The following MTUS2 variants were observed in gnomAD, a reference collection of about 807,000 sequenced individuals.
MTUS2 encodes the protein microtubule-associated tumor suppressor candidate 2.
A neutral mutation model predicts 114.1 loss-of-function variants in MTUS2; 40 were observed. That is an observed-to-expected ratio of 0.35 (90% confidence interval 0.27 to 0.46). The LOEUF (loss-of-function observed/expected upper bound fraction) is 0.46. Ranked by LOEUF, MTUS2 falls within the 20% of genes least tolerant of loss-of-function variation. The pLI is 1.00. For missense variants in MTUS2, 1,679 were observed against 1,705.4 expected (o/e 0.98, Z 0.27); for synonymous variants, 688 against 672.0 (o/e 1.02, Z -0.37).
At chr13:29,056,953 A>G (rs1565983588) in intron 4 of MTUS2, among the ~76,000 whole-genome samples, 2 of 152,084 alleles carry the variant, frequency 1.3e-5, no homozygotes, top group African/African-American at 2.4e-5. Flanking sequence ...TTAGCACTGT[A>G]CATTTCCCTA....
chr13:29,059,766 A>AG (rs1276017528), intron 4 of MTUS2, among the ~76,000 whole-genome samples: 1 of 152,224 alleles, frequency 6.6e-6, no homozygotes, highest in Non-Finnish European at 1.5e-5. Context: ...CTAGGAAAAC[A>AG]GGAGGCCATG....
chr13:29,428,862 A>G (rs1399168554), intron 8 of MTUS2: 1 of 1,614,080 alleles, frequency 6.2e-7, no homozygotes, highest in Admixed American at 1.7e-5. Flanking sequence ...TGCTGCTGCA[A>G]GCCTTATAAC....
At chr13:29,495,852 CAG>C (rs1882516730) in intron 12 of MTUS2, among the ~76,000 whole-genome samples, 1 of 152,128 alleles carries the variant, frequency 6.6e-6, no homozygotes, top group African/African-American at 2.4e-5. Context: ...GCCTGGGCGA[CAG>C]AGTGAGACCC....
intron 5 of MTUS2, among the ~76,000 whole-genome samples, chr13:29,220,496 C>T (rs771792678): frequency 1.1e-4 from 17 of 152,248 alleles, no homozygotes; most frequent in Admixed American, 2.0e-4. Context: ...TAGAGCTCAT[C>T]GTAGGTTATT....
chr13:29,038,135 C>T (rs961764086), intron 4 of MTUS2, among the ~76,000 whole-genome samples: 6 of 152,190 alleles, frequency 3.9e-5, no homozygotes, highest in Admixed American at 3.3e-4. Context: ...CTGGTTTTCC[C>T]TCATCTTCAT....
At position 29,025,285 on chromosome 13, in the gene MTUS2, A is replaced by G. The variant is rs375179195; in HGVS notation, c.587A>G (p.Gln196Arg). 1 of 1,613,860 alleles carries G rather than the reference A, an allele frequency of 6.2e-7. No homozygotes were observed. Among genetic ancestry groups the G allele is most frequent in the African/African-American group, 1.3e-5 (1 of 74,910 alleles). Residue 196 changes from glutamine (Q) to arginine (R), a missense_variant, in exon 3 of 16, where the codon CAG becomes CGG. Gln to Arg is a conservative substitution (Grantham distance 43). This residue lies in a region of MTUS2 where 843 missense variants were observed against 770.8 expected (regional missense o/e 1.09). Transcript: ENST00000612955. The part of the protein sequence containing the change: ...AVGSLTPQHP[Q>R]PLSLDSREAR... Reference sequence around the variant, plus strand: ...GGGAGCCTGACTCCGCAGCATCCACAGCCTCTATCCCTCGACTCCCGGGAA... The same window carrying G: ...GGGAGCCTGACTCCGCAGCATCCACGGCCTCTATCCCTCGACTCCCGGGAA...
intron 4 of MTUS2, among the ~76,000 whole-genome samples, chr13:29,079,348 A>T (rs1406731368): frequency 6.6e-6 from 1 of 152,188 alleles, no homozygotes; most frequent in African/African-American, 2.4e-5. Flanking sequence ...CAAATATTTT[A>T]TCCCATTCTT....
intron 5 of MTUS2, among the ~76,000 whole-genome samples, chr13:29,254,480 C>G (rs61033914): frequency 6.6e-6 from 1 of 152,176 alleles, no homozygotes; most frequent in African/African-American, 2.4e-5. Flanking sequence ...AGCAACAAGT[C>G]GTACCAACAC....
At chr13:29,026,976 A>C in intron 3 of MTUS2, 73 bp downstream of exon 3, 2 of 1,420,758 alleles carry the variant, frequency 1.4e-6, no homozygotes, top group Non-Finnish European at 1.9e-6. Context: ...TCAATGAGTT[A>C]TGAAAGTAAA....
chr13:29,244,290 G>A (rs1896831410), intron 5 of MTUS2, among the ~76,000 whole-genome samples: 2 of 152,180 alleles, frequency 1.3e-5, no homozygotes, highest in Admixed American at 6.5e-5. Flanking sequence ...TCCTCCAGCA[G>A]TATGGGTGCA....
intron 8 of MTUS2, among the ~76,000 whole-genome samples, chr13:29,373,668 C>T (rs1385310457): frequency 2.0e-5 from 3 of 152,136 alleles, no homozygotes; most frequent in African/African-American, 2.4e-5. Context: ...GCTTTGAAAA[C>T]GGAGCTAACT....
At chr13:28,963,487 G>A (rs538193537) in intron 2 of MTUS2, among the ~76,000 whole-genome samples, 2 of 152,274 alleles carry the variant, frequency 1.3e-5, no homozygotes, top group South Asian at 2.1e-4. Context: ...GACAAAAAAT[G>A]GTCTGTTTAA....
chr13:28,893,991 C>T (rs943474280), intron 2 of MTUS2, among the ~76,000 whole-genome samples: 1 of 151,998 alleles, frequency 6.6e-6, no homozygotes, highest in Non-Finnish European at 1.5e-5. Context: ...GCAAAAGGCA[C>T]ATAGAGTGAG....
At chr13:29,303,344 A>G (rs1389558463) in intron 6 of MTUS2, among the ~76,000 whole-genome samples, 1 of 152,206 alleles carries the variant, frequency 6.6e-6, no homozygotes, top group Non-Finnish European at 1.5e-5. Flanking sequence ...GGTGGGTAAT[A>G]AAAAACTTAG....
intron 2 of MTUS2, among the ~76,000 whole-genome samples, chr13:28,996,507 G>A (rs1379562624): frequency 1.3e-5 from 2 of 152,098 alleles, no homozygotes; most frequent in Non-Finnish European, 2.9e-5. Context: ...GGTAGAATTC[G>A]GCTGTGAATC....
At chr13:28,931,025 A>G (rs573856768) in intron 2 of MTUS2, among the ~76,000 whole-genome samples, 1 of 152,308 alleles carries the variant, frequency 6.6e-6, no homozygotes, top group South Asian at 2.1e-4. Flanking sequence ...TAACCATTCC[A>G]TGACTTTGGA....
intron 9 of MTUS2, among the ~76,000 whole-genome samples, chr13:29,448,641 A>T (rs191442776): frequency 2.3e-3 from 352 of 150,712 alleles, no homozygotes; most frequent in Non-Finnish European, 2.8e-3. Flanking sequence ...AAGCCAGGCC[A>T]CTGGTTTTCA....
In MTUS2 at chr13:29,389,435, GTGTA is replaced by G. The variant is rs58181099; in HGVS notation, c.3117+29966_3117+29969del. Among the ~76,000 whole-genome samples the G allele has an allele frequency of 1.4e-3, 74 of 51,866 alleles. 7 individuals are homozygous for G. The highest frequency in any genetic ancestry group is 2.8e-3 in the African/African-American group (51 of 18,520). 34.0% of individuals were successfully genotyped at this position (51,866 alleles called of 152,430 possible). A position where few individuals can be genotyped will look rare whatever the true frequency, so the allele number is the denominator to read the frequency against. The stretch of plus-strand genomic sequence containing the variant: ...CGTGTGTGTGTATGTATACACGTGT[GTGTA>G]TGTGTATGTATACACGTGTGTGTAT... On this transcript the variant is annotated intron_variant, in intron 8 of 15. Coordinates refer to ENST00000612955, the MANE Select transcript of MTUS2 (RefSeq NM_001033602.4).
chr13:29,486,687 A>T (rs928914013), intron 10 of MTUS2, among the ~76,000 whole-genome samples: 4 of 152,350 alleles, frequency 2.6e-5, no homozygotes, highest in Admixed American at 2.6e-4. Flanking sequence ...AACAAAGTAA[A>T]ATAGAGGAAA....
Sources: gnomAD v4.1 joint callset for allele counts (sites outside exome capture counted in the v4.1 genomes callset) on GRCh38, gnomAD v4.1.1 for gene constraint, gnomAD v4.1.1 regional missense constraint, MANE v1.5 for transcripts, NCBI Gene and HGNC (gene_info 2026-07-23, HGNC 2026-07-21) for gene names.